The following ANKRD11 variants were observed in gnomAD, a reference collection of about 807,000 sequenced individuals.
ANKRD11 encodes ankyrin repeat domain-containing protein 11.
In ANKRD11, 17 loss-of-function variants were observed where a neutral mutation model predicts 195.7. The observed-to-expected ratio is 0.09, with a 90% confidence interval of 0.06 to 0.13. The LOEUF (loss-of-function observed/expected upper bound fraction) is 0.13, where lower values mean the gene tolerates loss of function less well. ANKRD11 is among the 10% of genes least tolerant of loss of function. The pLI is 1.00. For synonymous variants in ANKRD11, 1,953 were observed against 1,528.1 expected, an observed-to-expected ratio of 1.28 and a Z score of -6.49; for missense variants, 3,735 against 3,566.1, an observed-to-expected ratio of 1.05 and a Z score of -1.21.
At chr16:89,437,679 C>T (rs2043273364) in intron 1 of ANKRD11, among the ~76,000 whole-genome samples, 1 of 152,170 alleles carries the variant, frequency 6.6e-6, no homozygotes, top group South Asian at 2.1e-4. Flanking sequence ...CAGCTCTCTC[C>T]GGCTCTTCCT....
chr16:89,486,475 G>A (rs553407727), intron 1 of ANKRD11, among the ~76,000 whole-genome samples: 5 of 151,150 alleles, frequency 3.3e-5, no homozygotes, highest in South Asian at 4.2e-4. Context: ...ACTTACTAAA[G>A]GAAGTGATAT....
intron 2 of ANKRD11, among the ~76,000 whole-genome samples, chr16:89,391,896 C>A (rs953305511): frequency 6.6e-6 from 1 of 152,256 alleles, no homozygotes; most frequent in Non-Finnish European, 1.5e-5. Context: ...TTAGCTCCCA[C>A]AATTTAGCCT....
chr16:89,284,228 G>A lies in ANKRD11; in HGVS notation c.2314C>T (p.Arg772Trp), dbSNP rs750596755. The A allele has an allele frequency of 7.3e-5, 117 of 1,612,538 alleles. No individual in the cohort carries two copies. The highest frequency in any genetic ancestry group is 9.2e-5 in the Non-Finnish European group (108 of 1,179,824). ...KEERKKKSKD[R>W]PSKLEKKNDL... Reference sequence around the variant, plus strand: ...TTCTTCTTCTCTAATTTTGAGGGCCGGTCTTTTGATTTCTTCTTTCTCTCC... The same window carrying A: ...TTCTTCTTCTCTAATTTTGAGGGCCAGTCTTTTGATTTCTTCTTTCTCTCC... Residue 772 changes from arginine to tryptophan, a missense_variant, in exon 9 of 13, where the codon CGG (arginine) becomes TGG (tryptophan). Transcript: ENST00000301030.
At chr16:89,424,076 G>A (rs982012892) in intron 1 of ANKRD11, among the ~76,000 whole-genome samples, 7 of 152,012 alleles carry the variant, frequency 4.6e-5, no homozygotes, top group Non-Finnish European at 7.4e-5. Context: ...ACTTGCATTA[G>A]AGGAGATAAA....
Position 89,283,124 on chromosome 16 carries a change from C to A in ANKRD11, c.3418G>T (p.Ala1140Ser). 6.2e-7 allele frequency: 1 copy of A among 1,613,980 alleles called. No homozygotes were observed. Among genetic ancestry groups the A allele is most frequent in the Non-Finnish European group, 8.5e-7 (1 of 1,180,030 alleles). The change falls in exon 9 of 13, where the codon GCC (alanine) becomes TCC (serine). Residue 1140 changes from alanine to serine, a missense_variant. Coordinates refer to ENST00000301030, the MANE Select transcript of ANKRD11 (RefSeq NM_013275.6). This position sits in a 1 kb window ranked among gnomAD's most constrained non-coding sequence, Gnocchi z 4.3. ...CMGSGFKMGEASDLPRTDGLQ... is the reference protein window; with the variant it reads ...CMGSGFKMGESSDLPRTDGLQ... Reference sequence around the variant, plus strand: ...CCGTCCGTCCTCGGCAAGTCGCTGGCCTCTCCCATCTTGAACCCGCTCCCC... The same window carrying A: ...CCGTCCGTCCTCGGCAAGTCGCTGGACTCTCCCATCTTGAACCCGCTCCCC...
At chr16:89,486,950 A>G (rs2057635712) in intron 1 of ANKRD11, among the ~76,000 whole-genome samples, 1 of 151,344 alleles carries the variant, frequency 6.6e-6, no homozygotes, top group East Asian at 1.9e-4. Context: ...TGGAGGTTGC[A>G]GTGAGTCGAG....
intron 2 of ANKRD11, among the ~76,000 whole-genome samples, chr16:89,397,235 G>A (rs542154816): frequency 1.3e-5 from 2 of 152,144 alleles, no homozygotes; most frequent in Non-Finnish European, 2.9e-5. Context: ...AGGGGAGCAC[G>A]GGAGACACAG....
rs544754391 is a variant in ANKRD11 at position 89,316,256 on chromosome 16, C to T, written c.87+677G>A. 2.0e-5 allele frequency among the ~76,000 whole-genome samples: 3 copies of T among 152,302 alleles called. No individual in the cohort carries two copies. The South Asian group carries it at 6.2e-4, about 32-fold the overall frequency. ...GACTTGTTGACGGTCACAAAGATAACACATGGCAAAGCCTGAACTTGAACC... is the reference window on the plus strand; with the variant it reads ...GACTTGTTGACGGTCACAAAGATAATACATGGCAAAGCCTGAACTTGAACC... On this transcript the variant is annotated intron_variant, in intron 3 of 12. Coordinates refer to ENST00000301030, the MANE Select transcript of ANKRD11 (RefSeq NM_013275.6).
intron 2 of ANKRD11, among the ~76,000 whole-genome samples, chr16:89,358,372 A>G (rs2039582135): frequency 6.6e-6 from 1 of 152,264 alleles, no homozygotes; most frequent in Non-Finnish European, 1.5e-5. Flanking sequence ...GTTTGCAAAC[A>G]TGCACAGCTT....
intron 11 of ANKRD11, 81 bp from the exon 12 acceptor site, chr16:89,270,990 A>G (rs868693970): frequency 7.4e-7 from 1 of 1,346,742 alleles, no homozygotes; most frequent in African/African-American, 1.4e-5. Context: ...GCGATGCTGC[A>G]GTGACCGTTC....
intron 1 of ANKRD11, among the ~76,000 whole-genome samples, chr16:89,476,729 A>G (rs1309497424): frequency 6.6e-6 from 1 of 152,244 alleles, no homozygotes; most frequent in Non-Finnish European, 1.5e-5. Context: ...CTACACTTCC[A>G]GCAAAGAGAT....
intron 1 of ANKRD11, among the ~76,000 whole-genome samples, chr16:89,419,371 T>A (rs1218933833): frequency 6.6e-6 from 1 of 151,514 alleles, no homozygotes; most frequent in African/African-American, 2.4e-5. Flanking sequence ...GTGAATCACT[T>A]GAATCTGCGA....
intron 9 of ANKRD11, chr16:89,278,658 A>C (rs1279663105): frequency 4.3e-6 from 2 of 465,176 alleles, no homozygotes; most frequent in African/African-American, 4.0e-5. Context: ...ATGGAGGCTC[A>C]GGGAACCCAC....
intron 2 of ANKRD11, among the ~76,000 whole-genome samples, chr16:89,385,658 A>G (rs2040875941): frequency 6.6e-6 from 1 of 152,252 alleles, no homozygotes. Flanking sequence ...CAAATGCTTT[A>G]AAGATTTCAA....
chr16:89,368,379 T>C (rs1021279394), intron 2 of ANKRD11, among the ~76,000 whole-genome samples: 1 of 130,096 alleles, frequency 7.7e-6, no homozygotes, highest in Non-Finnish European at 1.6e-5. Context: ...GTGTTTTTTT[T>C]TTTTTTTTTT....
intron 3 of ANKRD11, chr16:89,313,183 A>AG: frequency 1.1e-6 from 1 of 927,006 alleles, no homozygotes; most frequent in Non-Finnish European, 1.4e-6. Flanking sequence ...AGTGAAGCTC[A>AG]GGGGGCTGTG....
chr16:89,382,337 T>A (rs3102340), intron 2 of ANKRD11, among the ~76,000 whole-genome samples: 43,785 of 149,560 alleles, frequency 0.29, 9,735 homozygotes, highest in African/African-American at 0.61. Context: ...ATATATATAT[T>A]TTTTTAAAGA....
intron 1 of ANKRD11, among the ~76,000 whole-genome samples, chr16:89,418,879 C>T (rs949769717): frequency 4.0e-4 from 61 of 151,870 alleles, no homozygotes; most frequent in African/African-American, 1.4e-3. Flanking sequence ...AAGCGATTCT[C>T]CTACCTCAGC....
intron 2 of ANKRD11, among the ~76,000 whole-genome samples, chr16:89,336,968 G>C (rs1443362883): frequency 2.1e-5 from 3 of 141,620 alleles, no homozygotes; most frequent in African/African-American, 7.8e-5. Context: ...TCAGGAGGTG[G>C]AGACTAGCCT....
Sources: gnomAD v4.1 joint callset for allele counts (sites outside exome capture counted in the v4.1 genomes callset) on GRCh38, gnomAD v4.1.1 for gene constraint, Gnocchi (gnomAD v3.1) non-coding constraint, MANE v1.5 for transcripts, NCBI Gene and HGNC (gene_info 2026-07-23, HGNC 2026-07-21) for gene names.